Variants in OXR1 observed in about 807,000 individuals in gnomAD.
OXR1 encodes oxidation resistance 1, also known as oxidation resistance protein 1.
In OXR1, 41 loss-of-function variants were observed where a neutral mutation model predicts 104.6. The ratio of observed to expected loss-of-function variants is 0.39; its 90% CI spans 0.31 to 0.51. The LOEUF is 0.51. Ranked by LOEUF, OXR1 falls within the 20% of genes least tolerant of loss-of-function variation. OXR1 has a pLI of 0.77. For missense variants in OXR1, 955 were observed against 1,031.9 expected, an observed-to-expected ratio of 0.93 and a Z score of 1.02; for synonymous variants, 348 against 348.4, an observed-to-expected ratio of 1.00 and a Z score of 0.01.
At chr8:106,300,413 T>C (rs1813181252) in intron 1 of OXR1, among the ~76,000 whole-genome samples, 1 of 152,122 alleles carries the variant, frequency 6.6e-6, no homozygotes. Flanking sequence ...TAGAGTGACC[T>C]AGCTCCAATG....
intron 2 of OXR1, among the ~76,000 whole-genome samples, chr8:106,485,596 A>G (rs1563553631): frequency 6.6e-6 from 1 of 152,084 alleles, no homozygotes; most frequent in Admixed American, 6.6e-5. Flanking sequence ...TACTTACCAT[A>G]TGGTCCAGCA....
intron 3 of OXR1, chr8:106,658,304 G>T: frequency 8.6e-7 from 1 of 1,166,688 alleles, no homozygotes; most frequent in Non-Finnish European, 1.1e-6. Context: ...TGCCTGGGCC[G>T]GGGCGGGCAA....
At chr8:106,678,229 C>T (rs1827796713) in intron 3 of OXR1, among the ~76,000 whole-genome samples, 1 of 151,888 alleles carries the variant, frequency 6.6e-6, no homozygotes, top group South Asian at 2.1e-4. Context: ...CACCCGACAG[C>T]TGAGATGATT....
At chr8:106,291,143 A>G (rs1812734020) in intron 1 of OXR1, among the ~76,000 whole-genome samples, 1 of 152,228 alleles carries the variant, frequency 6.6e-6, no homozygotes, top group Non-Finnish European at 1.5e-5. Context: ...CCTTTACAGC[A>G]ACATGGATGG....
rs182234756 is a variant in OXR1 at position 106,327,845 on chromosome 8, G to A, written c.-138-31631G>A. 1.9e-4 allele frequency among the ~76,000 whole-genome samples: 29 copies of A among 151,950 alleles called. No homozygotes were observed. The East Asian group carries it at 4.6e-3, about 24-fold the overall frequency. ...GTATAAATTTACTTCACCATATAAT[G>A]TACCAGCATTCTATTGTTTTGTGTT... On this transcript the variant is annotated intron_variant, in intron 1 of 16. Transcript: ENST00000517566.
chr8:106,540,846 C>T (rs529382886), intron 3 of OXR1, among the ~76,000 whole-genome samples: 4 of 152,206 alleles, frequency 2.6e-5, no homozygotes, highest in Non-Finnish European at 5.9e-5. Context: ...GACTCATTCA[C>T]TATCACGAGA....
intron 2 of OXR1, among the ~76,000 whole-genome samples, chr8:106,419,586 G>A (rs1818820977): frequency 1.3e-5 from 2 of 152,188 alleles, no homozygotes; most frequent in African/African-American, 2.4e-5. Context: ...GTGGGGCTGC[G>A]GACGGCCTCC....
Position 106,280,977 on chromosome 8 carries a change from G to A in OXR1, c.-139+10610G>A, listed in dbSNP as rs190889898. ...AGTTGACCAGAGAAAGCCCCCTTTG[G>A]TTCCACAGGTGTGCAGGTACTGAGA... On this transcript the variant is annotated intron_variant, in intron 1 of 16. Transcript: ENST00000517566. Among the ~76,000 whole-genome samples the A allele has an allele frequency of 3.9e-5, 6 of 152,188 alleles. No individual in the cohort carries two copies. In the East Asian group the frequency reaches 1.2e-3, roughly 29 times the overall value.
At chr8:106,291,939 AC>A (rs1025962994) in intron 1 of OXR1, among the ~76,000 whole-genome samples, 2 of 151,712 alleles carry the variant, frequency 1.3e-5, no homozygotes, top group African/African-American at 4.8e-5. Flanking sequence ...ATTTACCCCC[AC>A]CCCCCAACGG....
At chr8:106,393,764 A>T (rs977494125) in intron 2 of OXR1, among the ~76,000 whole-genome samples, 1 of 152,030 alleles carries the variant, frequency 6.6e-6, no homozygotes, top group Non-Finnish European at 1.5e-5. Flanking sequence ...TTTTATGTAC[A>T]TATTATAAAT....
At chr8:106,623,135 T>C (rs1821861471) in intron 3 of OXR1, among the ~76,000 whole-genome samples, 1 of 152,334 alleles carries the variant, frequency 6.6e-6, no homozygotes, top group Admixed American at 6.5e-5. Context: ...GAGCTACCTA[T>C]AGATTCCTCT....
At chr8:106,591,771 G>T (rs1333256082) in intron 3 of OXR1, among the ~76,000 whole-genome samples, 3 of 152,110 alleles carry the variant, frequency 2.0e-5, no homozygotes, top group Non-Finnish European at 4.4e-5. Flanking sequence ...AGTTTTTCTT[G>T]ATCCTTGAAT....
chr8:106,526,994 A>G (rs1382807963), intron 3 of OXR1, among the ~76,000 whole-genome samples: 1 of 152,196 alleles, frequency 6.6e-6, no homozygotes, highest in Admixed American at 6.5e-5. Flanking sequence ...TTGCTCAGGA[A>G]GGCAGGTGAA....
At chr8:106,740,792 G>A (rs1834857068) in intron 14 of OXR1, among the ~76,000 whole-genome samples, 1 of 152,056 alleles carries the variant, frequency 6.6e-6, no homozygotes, top group Admixed American at 6.6e-5. Context: ...AAAAAGTGAG[G>A]AAATAAGAAT....
At chr8:106,352,737 T>TA (rs369377123) in intron 1 of OXR1, among the ~76,000 whole-genome samples, 5 of 152,206 alleles carry the variant, frequency 3.3e-5, no homozygotes, top group African/African-American at 1.2e-4. Flanking sequence ...AAGGTGCAGG[T>TA]AAAACTGTAT....
chr8:106,410,889 C>A (rs551806468), intron 2 of OXR1, among the ~76,000 whole-genome samples: 1 of 152,226 alleles, frequency 6.6e-6, no homozygotes, highest in Admixed American at 6.5e-5. Context: ...ATGTGTTCCC[C>A]AGAAATGACT....
At chr8:106,582,398 G>A (rs1345409297) in intron 3 of OXR1, among the ~76,000 whole-genome samples, 3 of 151,814 alleles carry the variant, frequency 2.0e-5, no homozygotes, top group Non-Finnish European at 2.9e-5. Flanking sequence ...TAGCAAACCT[G>A]GGGACAACAA....
intron 7 of OXR1, among the ~76,000 whole-genome samples, chr8:106,702,223 G>A (rs1005788445): frequency 2.0e-5 from 3 of 152,180 alleles, no homozygotes; most frequent in Admixed American, 2.0e-4. Flanking sequence ...GCCTCCCAAA[G>A]TGCTGGGATT....
chr8:106,530,586 C>CT (rs1814022108), intron 3 of OXR1, among the ~76,000 whole-genome samples: 1 of 152,102 alleles, frequency 6.6e-6, no homozygotes, highest in African/African-American at 2.4e-5. Context: ...CCAGACACAA[C>CT]TGGGGGGAGA....
Sources: allele counts gnomAD v4.1 joint callset (sites outside exome capture counted in the v4.1 genomes callset), GRCh38; gene constraint gnomAD v4.1.1; transcripts MANE v1.5; gene names NCBI Gene and HGNC (gene_info 2026-07-23, HGNC 2026-07-21).